ADGRA3: variants seen among roughly 807,000 people sequenced by gnomAD.
The protein encoded by ADGRA3 is adhesion G protein-coupled receptor A3, also known as G-protein coupled receptor 125.
Under a neutral mutation model 119.8 loss-of-function variants are expected in ADGRA3, and 56 were observed. The ratio of observed to expected loss-of-function variants is 0.47; its 90% CI spans 0.38 to 0.58. The LOEUF is 0.58. ADGRA3 is among the 20% of genes least tolerant of loss of function. The pLI, the probability that ADGRA3 is intolerant of heterozygous loss-of-function variation, is 0.00. For missense variants in ADGRA3, 1,516 were observed against 1,649.0 expected (o/e 0.92, Z 1.40); for synonymous variants, 607 against 623.8 (o/e 0.97, Z 0.40).
intron 4 of ADGRA3, among the ~76,000 whole-genome samples, chr4:22,452,271 G>A (rs1307564803): frequency 6.6e-6 from 1 of 152,172 alleles, no homozygotes; most frequent in African/African-American, 2.4e-5. Flanking sequence ...GGTAGGAAGA[G>A]GGTGGATGAT....
Position 22,442,825 on chromosome 4 carries a change from A to C in ADGRA3, c.745T>G (p.Ser249Ala). The C allele has an allele frequency of 6.2e-7, 1 of 1,613,436 alleles. No individual in the cohort carries two copies. The highest frequency in any genetic ancestry group is 8.5e-7 in the Non-Finnish European group (1 of 1,179,474). The change falls in exon 7 of 19, where the codon TCT becomes GCT. Residue 249 changes from serine (S) to alanine (A), a missense_variant. Ser to Ala is a moderately conservative substitution (Grantham distance 99). Around this residue, in one of 2 missense-constraint regions of ADGRA3, gnomAD observed 428 missense variants for 541.9 expected, o/e 0.79. Transcript: ENST00000334304. The stretch of plus-strand genomic sequence containing the variant: ...CCTTCAAACACAACTTGGCGATGAG[A>C]TGGAGTCATGTAGAAAGACGGCAAT... ...LELPSFYMTP[S>A]HRQVVFEGDS...
chr4:22,507,316 T>C (rs566522603), intron 1 of ADGRA3, among the ~76,000 whole-genome samples: 1 of 152,200 alleles, frequency 6.6e-6, no homozygotes, highest in Admixed American at 6.5e-5. Flanking sequence ...ATAAGAAAAA[T>C]GTCGACACAA....
intron 1 of ADGRA3, among the ~76,000 whole-genome samples, chr4:22,505,967 A>C (rs1237872677): frequency 6.6e-6 from 1 of 152,204 alleles, no homozygotes; most frequent in Non-Finnish European, 1.5e-5. Context: ...TTAGGATACA[A>C]ATTTAGGAAA....
In ADGRA3 at chr4:22,497,137, A is replaced by G. The variant is rs149717209; in HGVS notation, c.257+18391T>C. Among the ~76,000 whole-genome samples the G allele has an allele frequency of 6.2e-4, 94 of 152,340 alleles. 1 individual carries two copies. The highest frequency in any genetic ancestry group is 2.1e-3 in the African/African-American group (87 of 41,584). On this transcript the variant is annotated intron_variant, in intron 1 of 18. Coordinates refer to ENST00000334304, the MANE Select transcript of ADGRA3 (RefSeq NM_145290.4). The stretch of plus-strand genomic sequence containing the variant: ...CAGAGGGAGACAACAGAGGGTTGAC[A>G]GGGAATCAGCCAGAACACTGGTGTC...
chr4:22,409,339 C>T (rs1715090693), intron 14 of ADGRA3, among the ~76,000 whole-genome samples: 1 of 151,956 alleles, frequency 6.6e-6, no homozygotes, highest in African/African-American at 2.4e-5. Flanking sequence ...AGAGAAATAT[C>T]TAAATAAATT....
chr4:22,497,907 T>G (rs6843707), intron 1 of ADGRA3, among the ~76,000 whole-genome samples: 145,214 of 147,610 alleles, frequency 0.98, 71,476 homozygotes, highest in Middle Eastern at 1. Context: ...TCAAACCACT[T>G]CACTCCAGCC....
chr4:22,389,398 G>A (rs1714012255), intron 17 of ADGRA3, among the ~76,000 whole-genome samples: 1 of 151,964 alleles, frequency 6.6e-6, no homozygotes, highest in African/African-American at 2.4e-5. Flanking sequence ...ACAAGGTCTA[G>A]TAAGTTTCTG....
At chr4:22,490,151 A>AGTTT (rs1718572356) in intron 1 of ADGRA3, among the ~76,000 whole-genome samples, 1 of 152,250 alleles carries the variant, frequency 6.6e-6, no homozygotes, top group Non-Finnish European at 1.5e-5. Flanking sequence ...CTTAGCATTA[A>AGTTT]ACTGTAAGTT....
chr4:22,454,680 T>C lies in ADGRA3; in HGVS notation c.473+186A>G, dbSNP rs143567344. Among the ~76,000 whole-genome samples, 497 of 152,250 alleles carry C rather than the reference T, an allele frequency of 3.3e-3. 3 individuals are homozygous for C. The highest frequency in any genetic ancestry group is 0.011 in the African/African-American group (475 of 41,556). On this transcript the variant is annotated intron_variant, in intron 4 of 18. Transcript: ENST00000334304. ...CATGCACATGTGTCCGTGTGTGGTG[T>C]GGTAAGGTAGCATTATATTCTGAGG...
At chr4:22,469,216 C>G (rs1181269430) in intron 2 of ADGRA3, among the ~76,000 whole-genome samples, 2 of 152,176 alleles carry the variant, frequency 1.3e-5, no homozygotes, top group Admixed American at 6.5e-5. Flanking sequence ...CCTCAACCCA[C>G]AGAGAGCCCC....
chr4:22,411,308 C>T (rs544471474), intron 14 of ADGRA3, among the ~76,000 whole-genome samples: 3 of 152,324 alleles, frequency 2.0e-5, no homozygotes, highest in South Asian at 4.1e-4. Flanking sequence ...ACGCTTCATG[C>T]TTTAATTTAA....
intron 14 of ADGRA3, among the ~76,000 whole-genome samples, chr4:22,409,756 A>G (rs1715112181): frequency 2.0e-5 from 3 of 152,224 alleles, no homozygotes; most frequent in Non-Finnish European, 2.9e-5. Flanking sequence ...GGTTTAGAAC[A>G]GTGTGTGTAG....
chr4:22,438,854 G>A (rs982761197), intron 7 of ADGRA3, among the ~76,000 whole-genome samples: 5 of 152,058 alleles, frequency 3.3e-5, no homozygotes, highest in African/African-American at 9.7e-5. Flanking sequence ...AAAGTTAGCC[G>A]GGTGTTGTGG....
chr4:22,455,734 A>T, intron 3 of ADGRA3: 1 of 890,282 alleles, frequency 1.1e-6, no homozygotes, highest in Non-Finnish European at 1.6e-6. Flanking sequence ...TTTTACATTT[A>T]ATCAGACACC....
chr4:22,468,181 A>G (rs974977238), intron 2 of ADGRA3, among the ~76,000 whole-genome samples: 3 of 152,182 alleles, frequency 2.0e-5, no homozygotes, highest in African/African-American at 4.8e-5. Flanking sequence ...ATAAAAAGGA[A>G]CAGACTTTCT....
At chr4:22,471,663 G>A (rs1314297017) in intron 2 of ADGRA3, among the ~76,000 whole-genome samples, 1 of 152,090 alleles carries the variant, frequency 6.6e-6, no homozygotes, top group Non-Finnish European at 1.5e-5. Context: ...AGATAAAGAT[G>A]TTCTCTAACA....
intron 4 of ADGRA3, among the ~76,000 whole-genome samples, chr4:22,450,528 G>A (rs1716998138): frequency 6.6e-6 from 1 of 152,118 alleles, no homozygotes; most frequent in Non-Finnish European, 1.5e-5. Context: ...AGCCTCCAAA[G>A]TGCTGGGATT....
At chr4:22,512,898 G>A (rs1056304961) in intron 1 of ADGRA3, among the ~76,000 whole-genome samples, 15 of 105,048 alleles carry the variant, frequency 1.4e-4, no homozygotes, top group African/African-American at 4.8e-4. Flanking sequence ...ACTACCTAGA[G>A]GCCACTCAAC....
intron 1 of ADGRA3, among the ~76,000 whole-genome samples, chr4:22,489,254 G>A (rs1241320822): frequency 1.3e-5 from 2 of 152,186 alleles, no homozygotes; most frequent in African/African-American, 4.8e-5. Context: ...CAGTTATGGA[G>A]GAAACAGCTG....
Sources: allele counts gnomAD v4.1 joint callset (sites outside exome capture counted in the v4.1 genomes callset), GRCh38; gene constraint gnomAD v4.1.1; regional missense constraint gnomAD v4.1.1; transcripts MANE v1.5; gene names NCBI Gene and HGNC (gene_info 2026-07-23, HGNC 2026-07-21).